The following ZBTB7C variants were observed in gnomAD, a reference collection of about 807,000 sequenced individuals.
The protein encoded by ZBTB7C is zinc finger and BTB domain containing 7C.
In ZBTB7C, 8 loss-of-function variants were observed where a neutral mutation model predicts 25.7. The observed-to-expected ratio is 0.31, with a 90% CI of 0.18 to 0.56. The LOEUF is 0.56. Ranked by LOEUF, ZBTB7C falls within the 20% of genes least tolerant of loss-of-function variation. ZBTB7C has a pLI of 0.91. For missense variants in ZBTB7C, 824 were observed against 855.2 expected, an observed-to-expected ratio of 0.96 and a Z score of 0.46; for synonymous variants, 394 against 369.0, an observed-to-expected ratio of 1.07 and a Z score of -0.78.
At chr18:48,386,309 A>G (rs2047746181) in intron 1 of ZBTB7C, among the ~76,000 whole-genome samples, 2 of 152,266 alleles carry the variant, frequency 1.3e-5, no homozygotes, top group Non-Finnish European at 2.9e-5. Flanking sequence ...TAACAGACAG[A>G]GAAGAGCAGA....
At chr18:48,344,051 C>T (rs1039204873) in intron 1 of ZBTB7C, among the ~76,000 whole-genome samples, 3 of 152,210 alleles carry the variant, frequency 2.0e-5, no homozygotes, top group Admixed American at 1.3e-4. Flanking sequence ...GTGGCACGAT[C>T]TCGGCTCACT....
chr18:48,231,218 TG>T (rs1324201062), intron 2 of ZBTB7C, among the ~76,000 whole-genome samples: 1 of 152,136 alleles, frequency 6.6e-6, no homozygotes. Flanking sequence ...GCCTGAGGCC[TG>T]GGGGCCAGGC....
chr18:48,305,470 A>G (rs1335586873), intron 2 of ZBTB7C, among the ~76,000 whole-genome samples: 1 of 152,132 alleles, frequency 6.6e-6, no homozygotes, highest in East Asian at 1.9e-4. Context: ...TGAACAAACT[A>G]TGCATAATCA....
At chr18:48,083,269 C>T (rs1049367954) in intron 3 of ZBTB7C, among the ~76,000 whole-genome samples, 1 of 151,996 alleles carries the variant, frequency 6.6e-6, no homozygotes, top group African/African-American at 2.4e-5. Flanking sequence ...AAAAACACTG[C>T]CTTAAATGAT....
chr18:48,273,981 T>G (rs2044567524), intron 2 of ZBTB7C, among the ~76,000 whole-genome samples: 1 of 152,228 alleles, frequency 6.6e-6, no homozygotes, highest in South Asian at 2.1e-4. Flanking sequence ...GCTATCCAAC[T>G]GAGAAACTCA....
At chr18:48,170,138 T>C (rs9953128) in intron 3 of ZBTB7C, among the ~76,000 whole-genome samples, 56,991 of 152,166 alleles carry the variant, frequency 0.37, 11,798 homozygotes, top group East Asian at 0.54. Flanking sequence ...GGCCTGTGCA[T>C]TGGGGTGATG....
chr18:48,219,957 G>T (rs1254958265), intron 2 of ZBTB7C, among the ~76,000 whole-genome samples: 1 of 152,136 alleles, frequency 6.6e-6, no homozygotes, highest in Non-Finnish European at 1.5e-5. Flanking sequence ...TCCTGTTATG[G>T]CCCCTCCCAG....
chr18:48,135,275 A>C (rs1457055676), intron 3 of ZBTB7C, among the ~76,000 whole-genome samples: 2 of 152,140 alleles, frequency 1.3e-5, no homozygotes, highest in Non-Finnish European at 2.9e-5. Context: ...ATTGTTTAAA[A>C]AGAAAATGAC....
chr18:48,174,874 T>C (rs1371431911), intron 3 of ZBTB7C, among the ~76,000 whole-genome samples: 2 of 152,172 alleles, frequency 1.3e-5, no homozygotes, highest in African/African-American at 2.4e-5. Flanking sequence ...AGACAACATA[T>C]AATTTTGCTT....
At chr18:48,086,145 T>C (rs1220423419) in intron 3 of ZBTB7C, among the ~76,000 whole-genome samples, 1 of 152,246 alleles carries the variant, frequency 6.6e-6, no homozygotes, top group Non-Finnish European at 1.5e-5. Context: ...GCCTGCTTCC[T>C]GGGCTTTTCT....
chr18:48,175,604 A>G (rs1486381768), intron 3 of ZBTB7C, among the ~76,000 whole-genome samples: 10 of 152,178 alleles, frequency 6.6e-5, no homozygotes. Context: ...GTGCAAATAT[A>G]CCCAGCAACG....
chr18:48,205,741 ACT>A (rs2042562377), intron 2 of ZBTB7C, among the ~76,000 whole-genome samples: 1 of 151,892 alleles, frequency 6.6e-6, no homozygotes, highest in African/African-American at 2.4e-5. Context: ...AACAACTGGG[ACT>A]CTCTGAAATG....
intron 2 of ZBTB7C, among the ~76,000 whole-genome samples, chr18:48,309,723 G>T (rs7235739): frequency 0.18 from 27,042 of 152,216 alleles, 2,498 homozygotes; most frequent in African/African-American, 0.2. Context: ...TTAAGAGAGA[G>T]AAACTGAGTC....
chr18:48,318,610 C>T (rs1167375760), intron 2 of ZBTB7C, among the ~76,000 whole-genome samples: 2 of 152,234 alleles, frequency 1.3e-5, no homozygotes, highest in African/African-American at 4.8e-5. Flanking sequence ...GGGCCCAAAG[C>T]CTCCACAGTG....
intron 3 of ZBTB7C, among the ~76,000 whole-genome samples, chr18:48,127,213 T>A (rs974898615): frequency 6.6e-6 from 1 of 152,172 alleles, no homozygotes; most frequent in Non-Finnish European, 1.5e-5. Context: ...GAGGTAAGAC[T>A]TGAACCAGGC....
At chr18:48,307,843 C>T (rs1444793536) in intron 2 of ZBTB7C, among the ~76,000 whole-genome samples, 3 of 152,004 alleles carry the variant, frequency 2.0e-5, no homozygotes, top group African/African-American at 7.3e-5. Flanking sequence ...CGAAACTCCA[C>T]CTCATAAATA....
rs948551864 is a variant in ZBTB7C, at chr18:48,332,630, C to T, written c.-79+5544G>A. On this transcript the variant is annotated intron_variant, in intron 2 of 4. Coordinates refer to ENST00000590800, the MANE Select transcript of ZBTB7C (RefSeq NM_001318841.2). ...CAGTTCCAAAATTCTATCAGTTTAC[C>T]CTTTCCTAGTCTGTTTTTTGGTGAC... Among the ~76,000 whole-genome samples, 4 of 150,344 alleles carry T rather than the reference C, an allele frequency of 2.7e-5. 1 individual carries two copies. The East Asian group carries it at 7.9e-4, about 30-fold the overall frequency.
intron 2 of ZBTB7C, among the ~76,000 whole-genome samples, chr18:48,322,447 C>T (rs947346312): frequency 2.0e-5 from 3 of 152,172 alleles, no homozygotes; most frequent in South Asian, 2.1e-4. Context: ...AGCAATGTGA[C>T]GGGAGGCCTC....
rs1411624502 is a variant in ZBTB7C, at chr18:48,299,367, T to C, written c.-79+38807A>G. On this transcript the variant is annotated intron_variant, in intron 2 of 4. Transcript: ENST00000590800. ...ATCATGACATTCTGTGGATTCTTCA[T>C]ACTTTAGAAGGCATCTGTTTCTCCA... Among the ~76,000 whole-genome samples the C allele has an allele frequency of 2.0e-5, 3 of 152,358 alleles. No homozygotes were observed. The East Asian group carries it at 5.8e-4, about 29-fold the overall frequency.
Sources: gnomAD v4.1 joint callset for allele counts (sites outside exome capture counted in the v4.1 genomes callset) on GRCh38, gnomAD v4.1.1 for gene constraint, MANE v1.5 for transcripts, NCBI Gene and HGNC (gene_info 2026-07-23, HGNC 2026-07-21) for gene names.